Variants in ROBO2 observed in about 807,000 individuals in gnomAD.
The protein encoded by ROBO2 is roundabout homolog 2.
Under a neutral mutation model 160.8 loss-of-function variants are expected in ROBO2, and 53 were observed. The ratio of observed to expected loss-of-function variants is 0.33; its 90% CI spans 0.26 to 0.41. The LOEUF is 0.41. Ranked by LOEUF, ROBO2 falls within the 10% of genes least tolerant of loss-of-function variation. The pLI is 1.00. For synonymous variants in ROBO2, 664 were observed against 611.7 expected (o/e 1.09, Z -1.26); for missense variants, 1,577 against 1,722.4 (o/e 0.92, Z 1.49).
chr3:76,303,265 G>A (rs1379208575), intron 2 of ROBO2, among the ~76,000 whole-genome samples: 1 of 152,008 alleles, frequency 6.6e-6, no homozygotes, highest in East Asian at 1.9e-4. Flanking sequence ...GGTTAACTAT[G>A]TGTTAACAAA....
At chr3:77,337,654 T>TA (rs1349598743) in intron 2 of ROBO2, among the ~76,000 whole-genome samples, 1 of 152,150 alleles carries the variant, frequency 6.6e-6, no homozygotes, top group African/African-American at 2.4e-5. Context: ...TGCTCAAAAA[T>TA]AAGCTATTTC....
intron 1 of ROBO2, among the ~76,000 whole-genome samples, chr3:75,918,463 G>A (rs1429060877): frequency 2.6e-5 from 4 of 152,204 alleles, no homozygotes; most frequent in African/African-American, 9.6e-5. Flanking sequence ...AAGTCAGGCA[G>A]CGTCATGCCT....
At position 76,874,210 on chromosome 3, in the gene ROBO2, TAA is replaced by T. The variant is rs34634709; in HGVS notation, c.110-223792_110-223791del. 9.9e-3 allele frequency among the ~76,000 whole-genome samples: 1,429 copies of T among 144,106 alleles called. 17 individuals are homozygous for T. Among genetic ancestry groups the T allele is most frequent in the African/African-American group, 0.033 (1,293 of 39,498 alleles). 94.5% of individuals were successfully genotyped at this position (144,106 alleles called of 152,430 possible). On this transcript the variant is annotated intron_variant, in intron 2 of 26. Coordinates refer to the ROBO2 transcript ENST00000487694. ...AGTTGGTTGTTTGTTTTCAGACCAATAAAAAAAAAAAAAGTAGCTTTGACTTC... is the reference window on the plus strand; with the variant it reads ...AGTTGGTTGTTTGTTTTCAGACCAATAAAAAAAAAAAGTAGCTTTGACTTC...
At chr3:76,189,385 G>A (rs927631358) in intron 2 of ROBO2, among the ~76,000 whole-genome samples, 12 of 152,052 alleles carry the variant, frequency 7.9e-5, no homozygotes, top group African/African-American at 2.9e-4. Context: ...CCTTTGGAAA[G>A]TTTCTTCCTC....
intron 1 of ROBO2, among the ~76,000 whole-genome samples, chr3:75,935,541 C>T (rs566422067): frequency 3.1e-4 from 47 of 152,122 alleles, no homozygotes; most frequent in Non-Finnish European, 4.7e-4. Context: ...ACTTGTAATT[C>T]CAAATCCAGA....
chr3:77,452,932 G>A (rs945655846), intron 2 of ROBO2, among the ~76,000 whole-genome samples: 2 of 151,426 alleles, frequency 1.3e-5, no homozygotes, highest in Admixed American at 1.3e-4. Context: ...CCTTAAAATG[G>A]GTATTTCTCA....
intron 2 of ROBO2, among the ~76,000 whole-genome samples, chr3:76,478,518 AC>A (rs1239877578): frequency 2.0e-5 from 3 of 151,968 alleles, no homozygotes; most frequent in African/African-American, 7.2e-5. Flanking sequence ...CTTACACCTT[AC>A]ACAAAAATTA....
In ROBO2 at chr3:77,521,965, G is replaced by A. The variant is rs112121448; in HGVS notation, c.807-810G>A. The stretch of plus-strand genomic sequence containing the variant: ...GGCCAATCAGAAACTATTGCAAAAT[G>A]TGTGTTTGAAATAAAAACCACAGGT... On this transcript the variant is annotated intron_variant, in intron 5 of 25. Coordinates refer to ENST00000461745, the Ensembl canonical transcript of ROBO2. Among the ~76,000 whole-genome samples the A allele has an allele frequency of 5.3e-3, 796 of 151,292 alleles. 8 individuals are homozygous for A. Among genetic ancestry groups the A allele is most frequent in the Non-Finnish European group, 8.2e-3 (552 of 67,438 alleles).
At chr3:76,725,131 G>A (rs1009123644) in intron 2 of ROBO2, among the ~76,000 whole-genome samples, 1 of 151,984 alleles carries the variant, frequency 6.6e-6, no homozygotes, top group African/African-American at 2.4e-5. Flanking sequence ...CCAAGTTTGT[G>A]GTCATTTATT....
At chr3:77,578,835 C>CTAAA (rs2093836784) in intron 15 of ROBO2, among the ~76,000 whole-genome samples, 1 of 151,914 alleles carries the variant, frequency 6.6e-6, no homozygotes. Context: ...CCATTTGGCA[C>CTAAA]TAAATATCCT....
chr3:76,545,479 A>T (rs2083044716), intron 2 of ROBO2, among the ~76,000 whole-genome samples: 1 of 151,986 alleles, frequency 6.6e-6, no homozygotes, highest in African/African-American at 2.4e-5. Context: ...ACAAGTAATT[A>T]CTGGGGAAAC....
At chr3:76,738,160 G>A (rs930901496) in intron 2 of ROBO2, among the ~76,000 whole-genome samples, 1 of 151,982 alleles carries the variant, frequency 6.6e-6, no homozygotes, top group Non-Finnish European at 1.5e-5. Context: ...AAAAAAAAGA[G>A]AAGAAAGGCC....
chr3:76,607,103 C>G (rs2087726018), intron 2 of ROBO2, among the ~76,000 whole-genome samples: 1 of 152,188 alleles, frequency 6.6e-6, no homozygotes, highest in Non-Finnish European at 1.5e-5. Context: ...AGCGCCGTGG[C>G]TAGTCACAGA....
At chr3:76,270,480 A>G (rs933913944) in intron 2 of ROBO2, among the ~76,000 whole-genome samples, 12 of 152,058 alleles carry the variant, frequency 7.9e-5, no homozygotes, top group Non-Finnish European at 2.9e-5. Context: ...ATGTAGCAAG[A>G]TTGCATTACA....
chr3:76,452,627 A>G lies in ROBO2; in HGVS notation c.109+515025A>G, dbSNP rs975851202. Among the ~76,000 whole-genome samples, 4 of 152,196 alleles carry G rather than the reference A, an allele frequency of 2.6e-5. No individual in the cohort carries two copies. The East Asian group carries it at 5.8e-4, about 22-fold the overall frequency. On this transcript the variant is annotated intron_variant, in intron 2 of 26. Transcript: ENST00000487694. ...CTTTGCTATTGTGAATAGTGCCGCA[A>G]TATACATACGTGTGCCTGTGTCTTT...
chr3:76,943,893 T>C (rs555090092), intron 2 of ROBO2, among the ~76,000 whole-genome samples: 2 of 152,288 alleles, frequency 1.3e-5, no homozygotes, highest in Non-Finnish European at 2.9e-5. Context: ...AATTTACAAA[T>C]GAGGAGGAAA....
At chr3:77,539,063 G>T (rs1459015590) in intron 6 of ROBO2, among the ~76,000 whole-genome samples, 1 of 151,986 alleles carries the variant, frequency 6.6e-6, no homozygotes, top group Non-Finnish European at 1.5e-5. Context: ...GATTACAGGC[G>T]CACCCTGCCA....
chr3:76,792,614 T>G (rs901137298), intron 2 of ROBO2, among the ~76,000 whole-genome samples: 1 of 149,678 alleles, frequency 6.7e-6, no homozygotes, highest in Non-Finnish European at 1.5e-5. Context: ...AGTTTGAAAA[T>G]TTTTTTTTTG....
chr3:76,394,288 T>C (rs2077308758), intron 2 of ROBO2, among the ~76,000 whole-genome samples: 4 of 152,148 alleles, frequency 2.6e-5, no homozygotes, highest in African/African-American at 7.2e-5. Flanking sequence ...CCATGTTTAG[T>C]GCTTCCTTCA....
Sources: allele counts gnomAD v4.1 joint callset (sites outside exome capture counted in the v4.1 genomes callset), GRCh38; gene constraint gnomAD v4.1.1; transcripts MANE v1.5; gene names NCBI Gene and HGNC (gene_info 2026-07-23, HGNC 2026-07-21).